TACC2: variants seen among roughly 807,000 people sequenced by gnomAD.
The protein encoded by TACC2 is transforming acidic coiled-coil-containing protein 2.
TACC2 carries 137 observed loss-of-function variants against 227.3 expected under a neutral mutation model. The ratio of observed to expected loss-of-function variants is 0.60; its 90% CI spans 0.52 to 0.69. The LOEUF is 0.69. Among genes scored for constraint, TACC2 ranks in the 30% least tolerant of loss-of-function variants. The pLI, the probability that TACC2 is intolerant of heterozygous loss-of-function variation, is 0.00. For synonymous variants in TACC2, 1,523 were observed against 1,487.5 expected, an observed-to-expected ratio of 1.02 and a Z score of -0.55; for missense variants, 3,470 against 3,694.4, an observed-to-expected ratio of 0.94 and a Z score of 1.57.
chr10:122,091,306 T>C (rs2080791460), intron 5 of TACC2, among the ~76,000 whole-genome samples: 1 of 152,196 alleles, frequency 6.6e-6, no homozygotes, highest in Non-Finnish European at 1.5e-5. Flanking sequence ...GTTAATTATA[T>C]GCAAAATAAT....
At chr10:122,207,939 TC>T (rs1285437863) in intron 8 of TACC2, among the ~76,000 whole-genome samples, 1 of 152,052 alleles carries the variant, frequency 6.6e-6, no homozygotes, top group Non-Finnish European at 1.5e-5. Flanking sequence ...AAGCACCTGG[TC>T]CCCCTCAGCA....
intron 8 of TACC2, among the ~76,000 whole-genome samples, chr10:122,208,554 A>G (rs1359764935): frequency 6.6e-6 from 1 of 152,262 alleles, no homozygotes; most frequent in African/African-American, 2.4e-5. Context: ...TTGGGATGAG[A>G]GATAGGGCTC....
intron 6 of TACC2, among the ~76,000 whole-genome samples, chr10:122,137,463 G>A (rs2089885645): frequency 2.0e-5 from 3 of 151,968 alleles, no homozygotes; most frequent in African/African-American, 2.4e-5. Flanking sequence ...TTGACACACT[G>A]AGGCCCATCT....
intron 7 of TACC2, among the ~76,000 whole-genome samples, chr10:122,169,433 A>G (rs948627264): frequency 6.6e-6 from 1 of 152,248 alleles, no homozygotes; most frequent in African/African-American, 2.4e-5. Flanking sequence ...AAAAGACCTC[A>G]TAGTACATAT....
intron 22 of TACC2, among the ~76,000 whole-genome samples, chr10:122,250,785 C>T (rs946721807): frequency 6.6e-6 from 1 of 152,114 alleles, no homozygotes; most frequent in Non-Finnish European, 1.5e-5. Context: ...AAGCCTGTAT[C>T]GTTGGGCAGA....
At chr10:122,146,178 G>T (rs1307740315) in intron 7 of TACC2, among the ~76,000 whole-genome samples, 1 of 152,124 alleles carries the variant, frequency 6.6e-6, no homozygotes, top group Non-Finnish European at 1.5e-5. Context: ...GAGAGCTTAG[G>T]CTGAGTGGGT....
At chr10:122,058,270 G>A (rs1036264406) in intron 3 of TACC2, among the ~76,000 whole-genome samples, 1 of 152,148 alleles carries the variant, frequency 6.6e-6, no homozygotes, top group Admixed American at 6.5e-5. Flanking sequence ...TGTCTACTTC[G>A]CCTGTTCAGC....
At chr10:122,177,396 A>C (rs2093769357) in intron 7 of TACC2, among the ~76,000 whole-genome samples, 1 of 152,166 alleles carries the variant, frequency 6.6e-6, no homozygotes, top group Non-Finnish European at 1.5e-5. Flanking sequence ...GGGCCTTTTA[A>C]AAATTATAAT....
At chr10:122,096,023 C>T (rs2081344808) in intron 5 of TACC2, among the ~76,000 whole-genome samples, 1 of 152,154 alleles carries the variant, frequency 6.6e-6, no homozygotes, top group African/African-American at 2.4e-5. Context: ...TGTGGTGAGG[C>T]TCTGTGTGTG....
Position 122,083,441 on chromosome 10 carries a change from G to C in TACC2, c.941G>C (p.Arg314Thr). The C allele has an allele frequency of 6.2e-7, 1 of 1,613,502 alleles. No individual in the cohort carries two copies. Among genetic ancestry groups the C allele is most frequent in the African/African-American group, 1.3e-5 (1 of 75,066 alleles). ...TTCCTCAGGGCCTGCCATCTCCCTA[G>C]GAGCAATTCAGGGGCTGCCCCAGAA... Reference protein sequence around the residue: ...LEFLRACHLPRSNSGAAPEAE... With the variant: ...LEFLRACHLPTSNSGAAPEAE... Residue 314 changes from arginine to threonine, a missense_variant, in exon 4 of 23, where the codon AGG (arginine) becomes ACG (threonine). Arg to Thr is a moderately conservative substitution (Grantham distance 71, BLOSUM62 -1). Around this residue, in one of 10 missense-constraint regions of TACC2, gnomAD observed 33 missense variants for 60.4 expected, o/e 0.55. Transcript: ENST00000369005.
intron 7 of TACC2, among the ~76,000 whole-genome samples, chr10:122,158,305 C>T (rs2092612839): frequency 6.6e-6 from 1 of 151,948 alleles, no homozygotes; most frequent in African/African-American, 2.4e-5. Context: ...AGGAGAATTG[C>T]TTGAACCCAG....
chr10:122,031,867 G>A (rs1188193358), intron 2 of TACC2, among the ~76,000 whole-genome samples: 2 of 152,028 alleles, frequency 1.3e-5, no homozygotes, highest in African/African-American at 4.8e-5. Flanking sequence ...GCCACACCTG[G>A]CTAATTTTTG....
chr10:122,018,779 A>G (rs187671938), intron 1 of TACC2, among the ~76,000 whole-genome samples: 1 of 152,230 alleles, frequency 6.6e-6, no homozygotes, highest in African/African-American at 2.4e-5. Context: ...TTGTTTATCC[A>G]TTCGTCTGTT....
At chr10:122,218,122 T>C (rs372171683) in intron 11 of TACC2, among the ~76,000 whole-genome samples, 40 of 152,036 alleles carry the variant, frequency 2.6e-4, no homozygotes, top group Non-Finnish European at 1.5e-5. Context: ...TTTTTGTATT[T>C]TTAGTAGAGG....
rs750376265 is a variant in TACC2, at chr10:122,210,585, C to G, written c.6160C>G (p.Pro2054Ala). ...TGTGGATACCTTTCAGACCTTGGAG[C>G]CTCGTGCCTCAGACGCTAAGAATCA... The part of the protein sequence containing the change: ...ELVDTFQTLE[P>A]RASDAKNQEG... The change falls in exon 9 of 23, where the codon CCT becomes GCT. Residue 2054 changes from proline (P) to alanine (A), a missense_variant. Pro to Ala is a conservative substitution (Grantham distance 27). Around this residue, in one of 10 missense-constraint regions of TACC2, gnomAD observed 593 missense variants for 636.6 expected, o/e 0.93. Coordinates refer to ENST00000369005, the MANE Select transcript of TACC2 (RefSeq NM_206862.4). The surrounding 1 kb of genome is among the most constrained non-coding windows in gnomAD (Gnocchi z 4.6). 3 of 1,614,118 alleles carry G rather than the reference C, an allele frequency of 1.9e-6. No individual in the cohort carries two copies. The East Asian group carries it at 6.7e-5, about 36-fold the overall frequency.
intron 1 of TACC2, among the ~76,000 whole-genome samples, chr10:122,010,229 C>T (rs1955755748): frequency 6.6e-6 from 1 of 152,176 alleles, no homozygotes; most frequent in Non-Finnish European, 1.5e-5. Context: ...CTCTCCCTTG[C>T]CTTAACCCAC....
intron 1 of TACC2, among the ~76,000 whole-genome samples, chr10:121,990,457 C>A (rs953980643): frequency 2.0e-5 from 3 of 152,068 alleles, no homozygotes; most frequent in African/African-American, 7.2e-5. Flanking sequence ...GTTTTGCTTT[C>A]GTTTTCAATT....
At chr10:122,045,342 G>A (rs554216160) in intron 2 of TACC2, among the ~76,000 whole-genome samples, 5 of 152,330 alleles carry the variant, frequency 3.3e-5, no homozygotes, top group East Asian at 1.9e-4. Context: ...GCGAAGCAGC[G>A]TAAGGCAGGG....
At position 122,130,217 on chromosome 10, in the gene TACC2, A is replaced by G. The variant is rs149837939; in HGVS notation, c.5574-2392A>G. On this transcript the variant is annotated intron_variant, in intron 5 of 22. Coordinates refer to ENST00000369005, the MANE Select transcript of TACC2 (RefSeq NM_206862.4). Reference sequence around the variant, plus strand: ...CACCATGTTGGCCAGGCTGGTCTTGAACTCCTGACCTCAAGTGATCTGCCC... The same window carrying G: ...CACCATGTTGGCCAGGCTGGTCTTGGACTCCTGACCTCAAGTGATCTGCCC... 5.6e-3 allele frequency among the ~76,000 whole-genome samples: 858 copies of G among 152,186 alleles called. 8 individuals carry two copies. Among genetic ancestry groups the G allele is most frequent in the African/African-American group, 0.019 (808 of 41,532 alleles).
Sources: allele counts gnomAD v4.1 joint callset (sites outside exome capture counted in the v4.1 genomes callset), GRCh38; gene constraint gnomAD v4.1.1; regional missense constraint gnomAD v4.1.1; non-coding constraint Gnocchi (gnomAD v3.1); transcripts MANE v1.5; gene names NCBI Gene and HGNC (gene_info 2026-07-23, HGNC 2026-07-21).